CAMK1D: variants seen among roughly 807,000 people sequenced by gnomAD.
CAMK1D encodes calcium/calmodulin-dependent protein kinase type 1D.
CAMK1D carries 9 observed loss-of-function variants against 47.7 expected under a neutral mutation model. The ratio of observed to expected loss-of-function variants is 0.19; its 90% confidence interval spans 0.11 to 0.33. CAMK1D has a LOEUF of 0.33. CAMK1D is among the 10% of genes least tolerant of loss of function. CAMK1D has a pLI of 1.00. For synonymous variants in CAMK1D, 184 were observed against 184.9 expected (o/e 0.99, Z 0.04); for missense variants, 291 against 488.7 (o/e 0.60, Z 3.81).
intron 3 of CAMK1D, among the ~76,000 whole-genome samples, chr10:12,716,837 G>A (rs1834157371): frequency 6.6e-6 from 1 of 152,142 alleles, no homozygotes; most frequent in Non-Finnish European, 1.5e-5. Context: ...TAGAGGCCAG[G>A]CTGGTACCAT....
At chr10:12,601,419 C>T (rs111250301) in intron 2 of CAMK1D, among the ~76,000 whole-genome samples, 2,155 of 152,072 alleles carry the variant, frequency 0.014, 17 homozygotes, top group Non-Finnish European at 0.023. Flanking sequence ...GCCACAGCAC[C>T]TCGTATAAGT....
At chr10:12,612,660 C>T (rs894962681) in intron 2 of CAMK1D, among the ~76,000 whole-genome samples, 2 of 151,990 alleles carry the variant, frequency 1.3e-5, no homozygotes, top group African/African-American at 4.8e-5. Context: ...CCTGGATGGG[C>T]GTGGAGGTCG....
intron 3 of CAMK1D, among the ~76,000 whole-genome samples, chr10:12,753,058 C>T (rs1191899240): frequency 6.6e-6 from 1 of 152,118 alleles, no homozygotes; most frequent in East Asian, 1.9e-4. Flanking sequence ...TTGAGACCAT[C>T]GTGGCCAACA....
chr10:12,724,889 C>CA (rs5783285), intron 3 of CAMK1D, among the ~76,000 whole-genome samples: 49,453 of 145,400 alleles, frequency 0.34, 8,228 homozygotes, highest in East Asian at 0.41. Context: ...CTTAAAAAAC[C>CA]AAAAAAAAAA....
chr10:12,715,724 CTTTT>C (rs34313574), intron 3 of CAMK1D, among the ~76,000 whole-genome samples: 1 of 128,724 alleles, frequency 7.8e-6, no homozygotes, highest in Non-Finnish European at 1.6e-5. Flanking sequence ...TGGCATTTGC[CTTTT>C]TTTTTTTTTT....
At chr10:12,363,667 T>C (rs1171569882) in intron 1 of CAMK1D, among the ~76,000 whole-genome samples, 2 of 102,640 alleles carry the variant, frequency 1.9e-5, no homozygotes, top group African/African-American at 6.9e-5. Flanking sequence ...TTCCTAAGGT[T>C]TTTTTTTTTT....
chr10:12,364,617 T>TAA (rs11299137), intron 1 of CAMK1D, among the ~76,000 whole-genome samples: 2 of 148,776 alleles, frequency 1.3e-5, no homozygotes, highest in African/African-American at 4.9e-5. Flanking sequence ...TGACTGATGT[T>TAA]AAAAAAAAAA....
intron 6 of CAMK1D, among the ~76,000 whole-genome samples, chr10:12,795,348 G>A (rs757778861): frequency 3.9e-5 from 6 of 152,134 alleles, no homozygotes; most frequent in African/African-American, 1.2e-4. Context: ...ATCAGAACTC[G>A]TTTGTCTCAT....
chr10:12,425,982 G>A (rs1226413476), intron 1 of CAMK1D, among the ~76,000 whole-genome samples: 2 of 152,214 alleles, frequency 1.3e-5, no homozygotes, highest in African/African-American at 4.8e-5. Flanking sequence ...AGGCTCACTG[G>A]AGAACAGCCC....
chr10:12,667,571 A>C (rs1007208705), intron 3 of CAMK1D, among the ~76,000 whole-genome samples: 7 of 152,254 alleles, frequency 4.6e-5, no homozygotes. Context: ...TAACTGATAG[A>C]AACTGTGTCG....
At position 12,472,619 on chromosome 10, in the gene CAMK1D, AC is replaced by A. The variant is rs551488988; in HGVS notation, c.93-80605del. On this transcript the variant is annotated intron_variant, in intron 1 of 10. Transcript: ENST00000619168. Reference sequence around the variant, plus strand: ...GGCTCACTGTAACCGCCTCCTGGGTACAAGCGATTCTCCTTCCTCAGCCTCC... The same window carrying A: ...GGCTCACTGTAACCGCCTCCTGGGTAAAGCGATTCTCCTTCCTCAGCCTCC... Among the ~76,000 whole-genome samples the A allele has an allele frequency of 1.8e-3, 270 of 152,100 alleles. 1 individual carries two copies. The highest frequency in any genetic ancestry group is 6.3e-3 in the African/African-American group (261 of 41,508).
At chr10:12,572,928 A>G (rs1448649913) in intron 2 of CAMK1D, among the ~76,000 whole-genome samples, 1 of 152,128 alleles carries the variant, frequency 6.6e-6, no homozygotes, top group Non-Finnish European at 1.5e-5. Flanking sequence ...ACCATGCCCA[A>G]CCCAAGCAGG....
At chr10:12,810,621 G>A (rs932457076) in intron 6 of CAMK1D, among the ~76,000 whole-genome samples, 2 of 152,164 alleles carry the variant, frequency 1.3e-5, no homozygotes, top group South Asian at 2.1e-4. Flanking sequence ...AGATGGGGGC[G>A]GAGAGGCAGG....
In CAMK1D at chr10:12,525,154, A is replaced by G. The variant is rs534412768; in HGVS notation, c.93-28071A>G. Among the ~76,000 whole-genome samples the G allele has an allele frequency of 3.3e-5, 5 of 152,012 alleles. No individual in the cohort carries two copies. The South Asian group carries it at 8.3e-4, about 25-fold the overall frequency. Reference sequence around the variant, plus strand: ...TTGATTTTCTCCGGCTAGTCTCAAGATTGTTTTTCTTTATTTTTGATTTTT... The same window carrying G: ...TTGATTTTCTCCGGCTAGTCTCAAGGTTGTTTTTCTTTATTTTTGATTTTT... On this transcript the variant is annotated intron_variant, in intron 1 of 10. Transcript: ENST00000619168.
chr10:12,714,806 A>ACACACACACACACAC (rs56026879), intron 3 of CAMK1D, among the ~76,000 whole-genome samples: 5 of 147,392 alleles, frequency 3.4e-5, no homozygotes, highest in African/African-American at 5.1e-5. Flanking sequence ...ACACACACAC[A>ACACACACACACACAC]ATGTCTGATT....
At chr10:12,688,321 C>T (rs190861206) in intron 3 of CAMK1D, among the ~76,000 whole-genome samples, 16 of 152,262 alleles carry the variant, frequency 1.1e-4, no homozygotes, top group Admixed American at 2.6e-4. Context: ...ATCTTAGTGT[C>T]GTAGCATCTG....
intron 1 of CAMK1D, among the ~76,000 whole-genome samples, chr10:12,405,229 A>T (rs763423078): frequency 3.9e-5 from 6 of 152,184 alleles, no homozygotes; most frequent in Non-Finnish European, 7.3e-5. Flanking sequence ...GGGTTTCCAC[A>T]GCTGGCTTCA....
chr10:12,828,828 GGAGCC>G lies in CAMK1D; in HGVS notation c.1104_1108del (p.Arg370ThrfsTer80). On this transcript the variant is annotated frameshift_variant, in exon 11 of 11. Transcript: ENST00000619168. LOFTEE classifies it high-confidence loss of function. ...TTCTTCGTCGGGGGTCTCAGGAGTT[GGAGCC>G]GAGCGGAGACCCAGGCCCACCACTG... 6.2e-7 allele frequency: 1 copy of G among 1,613,820 alleles called. No homozygotes were observed. The highest frequency in any genetic ancestry group is 8.5e-7 in the Non-Finnish European group (1 of 1,179,942).
At chr10:12,657,136 C>T (rs1487019011) in intron 2 of CAMK1D, among the ~76,000 whole-genome samples, 1 of 152,118 alleles carries the variant, frequency 6.6e-6, no homozygotes, top group Admixed American at 6.6e-5. Context: ...TTTTTAAAAG[C>T]ACCTTTCTGG....
Sources: gnomAD v4.1 joint callset for allele counts (sites outside exome capture counted in the v4.1 genomes callset) on GRCh38, gnomAD v4.1.1 for gene constraint, MANE v1.5 for transcripts, NCBI Gene and HGNC (gene_info 2026-07-23, HGNC 2026-07-21) for gene names.